Variants in SLC9D1 observed in about 807,000 individuals in gnomAD.
SLC9D1 encodes the protein solute carrier family 9 member D1, also known as putative LAG1-interacting protein.
chr13:113,520,501 A>C, the SLC9D1 span: 1 of 735,372 alleles, frequency 1.4e-6, no homozygotes, highest in Non-Finnish European at 2.2e-6. Context: ...AAAAAAAAAA[A>C]AGTAAAGTGC....
chr13:113,549,631 T>G, the SLC9D1 span: 1 of 1,502,514 alleles, frequency 6.7e-7, no homozygotes, highest in South Asian at 1.1e-5. Context: ...AGCTCGCACC[T>G]TGGCAACAGA....
the SLC9D1 span, among the ~76,000 whole-genome samples, chr13:113,544,075 C>T: frequency 8.5e-5 from 13 of 152,358 alleles, no homozygotes; most frequent in South Asian, 2.1e-4. Flanking sequence ...CACTTCAGGG[C>T]GGCAGAAACC....
At chr13:113,503,359 GT>G in the SLC9D1 span, 1 of 586,164 alleles carries the variant, frequency 1.7e-6, no homozygotes, top group Non-Finnish European at 3.0e-6. Flanking sequence ...GTGTGTGTGT[GT>G]GTGTGTGTGT....
chr13:113,527,591 T>C, the SLC9D1 span: 2 of 152,228 alleles, frequency 1.3e-5, no homozygotes, highest in African/African-American at 4.8e-5. Flanking sequence ...CTGGCAGCTT[T>C]CAAGGTTTTT....
At chr13:113,517,441 G>A in the SLC9D1 span, among the ~76,000 whole-genome samples, 3 of 152,204 alleles carry the variant, frequency 2.0e-5, no homozygotes, top group South Asian at 2.1e-4. Context: ...TGTTAGCCAG[G>A]ATGGTCTCGA....
At chr13:113,543,522 C>T in the SLC9D1 span, among the ~76,000 whole-genome samples, 1 of 17,412 alleles carries the variant, frequency 5.7e-5, no homozygotes, top group African/African-American at 3.5e-4. Context: ...TGTGTGACCC[C>T]CACTTCCTCC....
chr13:113,544,187 TGC>T, the SLC9D1 span, among the ~76,000 whole-genome samples: 1 of 152,262 alleles, frequency 6.6e-6, no homozygotes, highest in Admixed American at 6.5e-5. Flanking sequence ...CACAGCCACC[TGC>T]AGGCTGGCAG....
At chr13:113,503,806 C>T in the SLC9D1 span, 1 of 539,396 alleles carries the variant, frequency 1.9e-6, no homozygotes, top group Admixed American at 3.4e-5. Context: ...AATTTGCCTT[C>T]ACATGGCTAA....
the SLC9D1 span, chr13:113,524,198 C>T: frequency 2.0e-5 from 9 of 455,334 alleles, no homozygotes; most frequent in African/African-American, 1.0e-4. Flanking sequence ...TGAAGTCCCC[C>T]GTTAGAATTG....
At chr13:113,495,600 A>G in the SLC9D1 span, 17 of 1,543,214 alleles carry the variant, frequency 1.1e-5, no homozygotes, top group Non-Finnish European at 2.6e-6. Context: ...GTTGGGAAGA[A>G]GCTTCTTCTG....
chr13:113,549,462 T>G, the SLC9D1 span: 10 of 1,614,142 alleles, frequency 6.2e-6, no homozygotes, highest in Non-Finnish European at 8.5e-6. Context: ...ACGCTCAGCC[T>G]CTTGCTCGCC....
the SLC9D1 span, among the ~76,000 whole-genome samples, chr13:113,549,211 GT>G: frequency 6.6e-6 from 1 of 151,966 alleles, no homozygotes; most frequent in Non-Finnish European, 1.5e-5. Flanking sequence ...ATGTGCAGGC[GT>G]CCCTCCCAGC....
At chr13:113,526,070 G>T in the SLC9D1 span, among the ~76,000 whole-genome samples, 13 of 151,788 alleles carry the variant, frequency 8.6e-5, 1 homozygote, top group Middle Eastern at 6.8e-3. Flanking sequence ...CGTCGTCGTC[G>T]TAGGAGACGA....
At chr13:113,537,856 C>T in the SLC9D1 span, among the ~76,000 whole-genome samples, 1 of 152,176 alleles carries the variant, frequency 6.6e-6, no homozygotes, top group Non-Finnish European at 1.5e-5. Context: ...TTCCCCCCTT[C>T]TATAGCATCA....
chr13:113,549,958 A>C, the SLC9D1 span: 25 of 392,428 alleles, frequency 6.4e-5, no homozygotes, highest in Non-Finnish European at 1.0e-4. Context: ...ATTTGTTATT[A>C]AACATTTCTG....
the SLC9D1 span, chr13:113,550,192 A>C: frequency 2.0e-5 from 3 of 152,284 alleles, no homozygotes; most frequent in Non-Finnish European, 4.4e-5. Flanking sequence ...TGATCATGGT[A>C]TAATTAATTG....
chr13:113,504,554 T>G, the SLC9D1 span: 2 of 152,238 alleles, frequency 1.3e-5, no homozygotes, highest in South Asian at 4.1e-4. Context: ...TCCTCATAGC[T>G]TAGCTCCCGC....
chr13:113,509,206 G>A, the SLC9D1 span, among the ~76,000 whole-genome samples: 2 of 101,366 alleles, frequency 2.0e-5, no homozygotes, highest in South Asian at 5.7e-4. Flanking sequence ...AGCTGCCTGT[G>A]TATGTTGGGA....
At chr13:113,529,462 A>G in the SLC9D1 span, 1 of 152,224 alleles carries the variant, frequency 6.6e-6, no homozygotes, top group African/African-American at 2.4e-5. Flanking sequence ...CATCCTGGCT[A>G]ACACGGTGAA....
Sources: allele counts gnomAD v4.1 joint callset (sites outside exome capture counted in the v4.1 genomes callset), GRCh38; gene constraint gnomAD v4.1.1; transcripts MANE v1.5; gene names NCBI Gene and HGNC (gene_info 2026-07-23, HGNC 2026-07-21).